IGLON5: variants seen among roughly 807,000 people sequenced by gnomAD.
IGLON5 encodes IgLON family member 5, also known as Ig-like domain-containing protein ENSP00000270642.
In IGLON5, 16 loss-of-function variants were observed where a neutral mutation model predicts 38.2. The ratio of observed to expected loss-of-function variants is 0.42; its 90% CI spans 0.28 to 0.64. The LOEUF (loss-of-function observed/expected upper bound fraction) is 0.64, where lower values mean the gene tolerates loss of function less well. IGLON5 is among the 30% of genes least tolerant of loss of function. IGLON5 has a pLI of 0.23. For missense variants in IGLON5, 366 were observed against 483.4 expected (o/e 0.76, Z 2.28); for synonymous variants, 207 against 216.4 (o/e 0.96, Z 0.38).
rs1985202661 is a variant in IGLON5 at position 51,325,841 on chromosome 19, G to T, written c.511+376G>T. 7.6e-6 allele frequency among the ~76,000 whole-genome samples: 1 copy of T among 132,036 alleles called. No homozygotes were observed. 86.6% of individuals were successfully genotyped at this position (132,036 alleles called of 152,430 possible). Reference sequence around the variant, plus strand: ...CACCAGCGGTCCTGCGTACATCTCTGCCTCTCTCTTCTGCTGGACGCTCTA... The same window carrying T: ...CACCAGCGGTCCTGCGTACATCTCTTCCTCTCTCTTCTGCTGGACGCTCTA... On this transcript the variant is annotated intron_variant, in intron 4 of 7. Transcript: ENST00000270642. This position sits in a 1 kb window ranked among gnomAD's most constrained non-coding sequence, Gnocchi z 5.5.
At chr19:51,320,143 G>A (rs1264555017) in intron 1 of IGLON5, among the ~76,000 whole-genome samples, 1 of 152,132 alleles carries the variant, frequency 6.6e-6, no homozygotes, top group African/African-American at 2.4e-5. Flanking sequence ...TTTAGCTCGG[G>A]GAGGGTGAGC....
Position 51,325,286 on chromosome 19 carries a change from G to T in IGLON5, c.392-60G>T. On this transcript the variant is annotated intron_variant, in intron 3 of 7. Coordinates refer to ENST00000270642, the MANE Select transcript of IGLON5 (RefSeq NM_001101372.3). The surrounding 1 kb of genome is among the most constrained non-coding windows in gnomAD (Gnocchi z 5.5). The stretch of plus-strand genomic sequence containing the variant: ...GGTCTGGACTCCTGGGTCTGAAGGA[G>T]GAAGGGCTGGGGGCCTGGATTCCTG... 6.3e-7 allele frequency: 1 copy of T among 1,583,298 alleles called. No individual in the cohort carries two copies. The highest frequency in any genetic ancestry group is 8.6e-7 in the Non-Finnish European group (1 of 1,165,318).
chr19:51,321,322 C>T (rs994145511), intron 1 of IGLON5, among the ~76,000 whole-genome samples: 8 of 152,192 alleles, frequency 5.3e-5, no homozygotes, highest in South Asian at 2.1e-4. Context: ...GGATTACAGG[C>T]GTGCTCCACC....
In IGLON5 at chr19:51,325,204, A is replaced by G; in HGVS notation, c.392-142A>G. On this transcript the variant is annotated intron_variant, in intron 3 of 7. Coordinates refer to ENST00000270642, the MANE Select transcript of IGLON5 (RefSeq NM_001101372.3). This position sits in a 1 kb window ranked among gnomAD's most constrained non-coding sequence, Gnocchi z 5.5. ...CTGCGGGTCTGAACTCCCGGGTCTG[A>G]GGGAGGAGGGGCTGGGGGTCTGAAC... 8.5e-7 allele frequency: 1 copy of G among 1,177,564 alleles called. No homozygotes were observed. The highest frequency in any genetic ancestry group is 1.2e-6 in the Non-Finnish European group (1 of 840,914). 72.9% of individuals were successfully genotyped at this position (1,177,564 alleles called of 1,614,324 possible). A position where few individuals can be genotyped will look rare whatever the true frequency, so the allele number is the denominator to read the frequency against.
chr19:51,325,748 C>T lies in IGLON5; in HGVS notation c.511+283C>T, dbSNP rs1985200586. ...TCCCCAACCCCAGTGTCCCCGATGTCTCCCCACGCGCTCACAGCATTCTCC... is the reference window on the plus strand; with the variant it reads ...TCCCCAACCCCAGTGTCCCCGATGTTTCCCCACGCGCTCACAGCATTCTCC... On this transcript the variant is annotated intron_variant, in intron 4 of 7. Coordinates refer to ENST00000270642, the MANE Select transcript of IGLON5 (RefSeq NM_001101372.3). This position sits in a 1 kb window ranked among gnomAD's most constrained non-coding sequence, Gnocchi z 5.5. Among the ~76,000 whole-genome samples the T allele has an allele frequency of 6.6e-6, 1 of 152,160 alleles. No individual in the cohort carries two copies. The highest frequency in any genetic ancestry group is 2.4e-5 in the African/African-American group (1 of 41,434).
At chr19:51,312,038 G>A (rs1445304062) in intron 1 of IGLON5, 112 bp downstream of exon 1, 1 of 525,882 alleles carries the variant, frequency 1.9e-6, no homozygotes, top group Non-Finnish European at 2.8e-6. Flanking sequence ...GGCGCGGGGA[G>A]GCCCCGGGAC....
intron 1 of IGLON5, among the ~76,000 whole-genome samples, chr19:51,316,447 T>A (rs919183469): frequency 6.6e-6 from 1 of 150,416 alleles, no homozygotes; most frequent in African/African-American, 2.5e-5. Flanking sequence ...GTGACGCTAA[T>A]GCCCTCAGAT....
In IGLON5 at chr19:51,327,268, CA is replaced by C; in HGVS notation, c.767+69del. ...GTCTTTAGTCCCTTCGATTGTGAGG[CA>C]GGGGGACGGAGCGGGGCGGGGGAAG... is the stretch of plus-strand genomic sequence containing the variant. On this transcript the variant is annotated intron_variant, in intron 6 of 7. Coordinates refer to ENST00000270642, the MANE Select transcript of IGLON5 (RefSeq NM_001101372.3). The surrounding 1 kb of genome is among the most constrained non-coding windows in gnomAD (Gnocchi z 7.1). 1 of 1,553,730 alleles carries C rather than the reference CA, an allele frequency of 6.4e-7. No homozygotes were observed. The highest frequency in any genetic ancestry group is 8.7e-7 in the Non-Finnish European group (1 of 1,148,402).
chr19:51,328,937 G>A lies in IGLON5; in HGVS notation c.*178G>A. The A allele has an allele frequency of 1.9e-6, 1 of 518,274 alleles. No homozygotes were observed. Among genetic ancestry groups the A allele is most frequent in the Non-Finnish European group, 3.4e-6 (1 of 292,182 alleles). The allele number at this position is 518,274 out of a possible 1,614,324, so 32.1% of individuals were successfully genotyped here. On this transcript the variant is annotated 3_prime_UTR_variant, in exon 8 of 8. Transcript: ENST00000270642. ...AAAGATCTTCAGAGAACCCATCACT[G>A]TGAGGGATAACGCAAAATTATGCAT... is the stretch of plus-strand genomic sequence containing the variant.
At chr19:51,312,016 C>A in intron 1 of IGLON5, 90 bp downstream of exon 1, 2 of 676,028 alleles carry the variant, frequency 3.0e-6, no homozygotes, top group Non-Finnish European at 4.1e-6. Flanking sequence ...TCGAGGGCTG[C>A]ATCCCTGGGC....
chr19:51,326,859 T>G lies in IGLON5; in HGVS notation c.607T>G (p.Ser203Ala). 1 of 1,560,526 alleles carries G rather than the reference T, an allele frequency of 6.4e-7. No individual in the cohort carries two copies. Among genetic ancestry groups the G allele is most frequent in the Non-Finnish European group, 8.7e-7 (1 of 1,152,432 alleles). ...YECVTHNGVN[S>A]APDSRRVLVT... Reference sequence around the variant, plus strand: ...GTGCGTGACTCACAACGGGGTTAACTCGGCGCCCGACAGCCGCCGCGTGCT... The same window carrying G: ...GTGCGTGACTCACAACGGGGTTAACGCGGCGCCCGACAGCCGCCGCGTGCT... The change falls in exon 5 of 8, where the codon TCG becomes GCG. Residue 203 changes from serine to alanine, a missense_variant. Coordinates refer to ENST00000270642, the MANE Select transcript of IGLON5 (RefSeq NM_001101372.3).
chr19:51,313,170 G>A (rs1377607668), intron 1 of IGLON5, among the ~76,000 whole-genome samples: 1 of 152,132 alleles, frequency 6.6e-6, no homozygotes, highest in Non-Finnish European at 1.5e-5. Context: ...CAGGACGCAG[G>A]GACCTGGTGG....
intron 5 of IGLON5, 86 bp downstream of exon 5, chr19:51,326,984 G>C (rs1441847749): frequency 1.3e-6 from 2 of 1,580,626 alleles, no homozygotes; most frequent in Non-Finnish European, 1.7e-6. Context: ...GGAAGCGGGG[G>C]CGAGACTTAC....
chr19:51,325,133 G>A lies in IGLON5; in HGVS notation c.392-213G>A, dbSNP rs2123531650. The stretch of plus-strand genomic sequence containing the variant: ...AAGGCAGAGACTCCTGGGTCTGAGG[G>A]AGAAGGGGCTGGGGTACTGGACTCT... On this transcript the variant is annotated intron_variant, in intron 3 of 7. Transcript: ENST00000270642. The surrounding 1 kb of genome is among the most constrained non-coding windows in gnomAD (Gnocchi z 5.5). Among the ~76,000 whole-genome samples the A allele has an allele frequency of 6.6e-6, 1 of 152,040 alleles. No individual in the cohort carries two copies. Among genetic ancestry groups the A allele is most frequent in the Non-Finnish European group, 1.5e-5 (1 of 67,976 alleles).
At chr19:51,328,033 G>T in intron 7 of IGLON5, 147 bp downstream of exon 7, 1 of 854,296 alleles carries the variant, frequency 1.2e-6, no homozygotes, top group South Asian at 1.8e-5. Context: ...GTAAGAAACC[G>T]ATCCACGCAA....
intron 1 of IGLON5, among the ~76,000 whole-genome samples, chr19:51,313,065 C>T (rs11666162): frequency 0.33 from 49,784 of 151,982 alleles, 10,048 homozygotes; most frequent in South Asian, 0.52. Context: ...AGAGGCCGCC[C>T]GCATAGACCA....
intron 2 of IGLON5, 61 bp from the exon 3 acceptor site, chr19:51,323,601 G>A (rs981380377): frequency 4.5e-5 from 64 of 1,434,858 alleles, no homozygotes; most frequent in South Asian, 1.7e-4. Flanking sequence ...CCACCCCCTC[G>A]GTGGGGGAAG....
rs767937094 is a variant in IGLON5 at position 51,325,473 on chromosome 19, C to G, written c.511+8C>G. The stretch of plus-strand genomic sequence containing the variant: ...CCTGGAGACAGCTCCGAGGTGAGGA[C>G]CCCATCCCAGGTCAAAAGCCCCGTC... On this transcript the variant is annotated splice_region_variant and intron_variant, in intron 4 of 7. Coordinates refer to ENST00000270642, the MANE Select transcript of IGLON5 (RefSeq NM_001101372.3). The surrounding 1 kb of genome is among the most constrained non-coding windows in gnomAD (Gnocchi z 5.5). 1.2e-6 allele frequency: 2 copies of G among 1,607,536 alleles called. No homozygotes were observed. Among genetic ancestry groups the G allele is most frequent in the Non-Finnish European group, 1.7e-6 (2 of 1,176,612 alleles).
chr19:51,327,036 C>G lies in IGLON5; in HGVS notation c.647-44C>G, dbSNP rs776094771. 6.3e-6 allele frequency: 10 copies of G among 1,599,078 alleles called. No individual in the cohort carries two copies. Among genetic ancestry groups the G allele is most frequent in the African/African-American group, 1.3e-5 (1 of 74,410 alleles). Reference sequence around the variant, plus strand: ...GGGGCTGGGGGCGGGACCCCTTCGTCCCCACGCGGCTAGGAGAATTCGCTG... The same window carrying G: ...GGGGCTGGGGGCGGGACCCCTTCGTGCCCACGCGGCTAGGAGAATTCGCTG... On this transcript the variant is annotated intron_variant, in intron 5 of 7. Transcript: ENST00000270642. This position sits in a 1 kb window ranked among gnomAD's most constrained non-coding sequence, Gnocchi z 7.1.
Sources: allele counts gnomAD v4.1 joint callset (sites outside exome capture counted in the v4.1 genomes callset), GRCh38; gene constraint gnomAD v4.1.1; non-coding constraint Gnocchi (gnomAD v3.1); transcripts MANE v1.5; gene names NCBI Gene and HGNC (gene_info 2026-07-23, HGNC 2026-07-21).